The following PRELID2 variants were observed in gnomAD, a reference collection of about 807,000 sequenced individuals.
The protein encoded by PRELID2 is PRELI domain-containing protein 2.
A neutral mutation model predicts 28.4 loss-of-function variants in PRELID2; 25 were observed. That is an observed-to-expected ratio of 0.88 (90% CI 0.64 to 1.23). The LOEUF (loss-of-function observed/expected upper bound fraction) is 1.23. PRELID2 is among the 50% of genes most tolerant of loss of function. The pLI, the probability that PRELID2 is intolerant of heterozygous loss-of-function variation, is 0.00. For synonymous variants in PRELID2, 76 were observed against 71.6 expected, an observed-to-expected ratio of 1.06 and a Z score of -0.31; for missense variants, 201 against 214.4, an observed-to-expected ratio of 0.94 and a Z score of 0.39.
At chr5:145,235,919 A>G in the PRELID2 span, among the ~76,000 whole-genome samples, 1 of 152,164 alleles carries the variant, frequency 6.6e-6, no homozygotes, top group African/African-American at 2.4e-5. Context: ...CAGGTCATGT[A>G]AAGAATTTTG....
the PRELID2 span, among the ~76,000 whole-genome samples, chr5:145,400,631 A>AT: frequency 6.6e-6 from 1 of 151,992 alleles, no homozygotes. Context: ...AATAACAGGC[A>AT]TTTTTCATTT....
the PRELID2 span, among the ~76,000 whole-genome samples, chr5:145,340,766 T>C: frequency 1.1e-5 from 1 of 87,864 alleles, no homozygotes; most frequent in African/African-American, 5.0e-5. Flanking sequence ...TGCCTAAAAA[T>C]ATACATATAT....
At position 145,819,951 on chromosome 5, in the gene PRELID2, T is replaced by C. The variant is rs1754645988; in HGVS notation, c.201A>G (p.Leu67=). The change falls in exon 3 of 7, where the codon TTA becomes TTG. Residue 67 remains leucine, a synonymous_variant. Transcript: ENST00000683046. ...AICQNVVPEI[L]RKVSILKVPN... is the part of the protein sequence containing the mutation. ...CATTTTAAAATGAACTTACCTTCCT[T>C]AAAATTTCTGGAACCACGTTCTGAC... 4.4e-6 allele frequency: 7 copies of C among 1,594,116 alleles called. 1 individual carries two copies. The highest frequency in any genetic ancestry group is 1.3e-5 in the African/African-American group (1 of 74,560).
At chr5:145,589,330 C>T (rs956050513) in intron 1 of PRELID2, among the ~76,000 whole-genome samples, 6 of 152,118 alleles carry the variant, frequency 3.9e-5, no homozygotes, top group African/African-American at 1.4e-4. Context: ...AATTACTCTA[C>T]ACAAGGTGAA....
At chr5:145,539,890 T>A (rs1210024146) in intron 1 of PRELID2, among the ~76,000 whole-genome samples, 1 of 151,788 alleles carries the variant, frequency 6.6e-6, no homozygotes, top group Non-Finnish European at 1.5e-5. Flanking sequence ...CTATGAAAAA[T>A]GTTAGTATTA....
chr5:145,285,539 A>G, the PRELID2 span, among the ~76,000 whole-genome samples: 1 of 152,188 alleles, frequency 6.6e-6, no homozygotes, highest in African/African-American at 2.4e-5. Flanking sequence ...CATTTTAAAC[A>G]ATCAGTTTTT....
the PRELID2 span, among the ~76,000 whole-genome samples, chr5:145,368,633 G>T: frequency 2.0e-5 from 3 of 151,868 alleles, no homozygotes; most frequent in South Asian, 6.2e-4. Context: ...TTATTTTCTT[G>T]TTGGTTTTCA....
chr5:145,563,203 A>G (rs965848274), intron 1 of PRELID2, among the ~76,000 whole-genome samples: 2 of 152,218 alleles, frequency 1.3e-5, no homozygotes, highest in African/African-American at 4.8e-5. Flanking sequence ...ACCGTTTAGG[A>G]GAGAAATATC....
chr5:145,488,605 AT>A (rs1431455018), intron 1 of PRELID2, among the ~76,000 whole-genome samples: 2 of 152,346 alleles, frequency 1.3e-5, no homozygotes, highest in East Asian at 3.9e-4. Flanking sequence ...CAAGACCCTA[AT>A]TCAATAAATT....
intron 4 of PRELID2, among the ~76,000 whole-genome samples, chr5:145,817,202 AATAAATAAATAAAAAAAAAT>A (rs1754385839): frequency 5.8e-5 from 3 of 51,400 alleles, no homozygotes; most frequent in African/African-American, 1.0e-4. Flanking sequence ...AAAAAAAATA[AATAAATAAATAAAAAAAAAT>A]ATATATATAT....
intron 5 of PRELID2, among the ~76,000 whole-genome samples, chr5:145,791,251 T>A (rs1197211916): frequency 6.6e-6 from 1 of 152,070 alleles, no homozygotes; most frequent in African/African-American, 2.4e-5. Flanking sequence ...GCCCCCATGA[T>A]TCAATTATCT....
At chr5:145,650,531 C>CATATATATATATATAT (rs56324486) in intron 1 of PRELID2, among the ~76,000 whole-genome samples, 4 of 68,732 alleles carry the variant, frequency 5.8e-5, no homozygotes, top group South Asian at 5.9e-4. Context: ...CACATATATA[C>CATATATATATATATAT]ATATATATAT....
chr5:145,519,922 A>G (rs2126648966), intron 1 of PRELID2, among the ~76,000 whole-genome samples: 1 of 152,360 alleles, frequency 6.6e-6, no homozygotes, highest in South Asian at 2.1e-4. Context: ...AAACTCATTA[A>G]GATATACATT....
the PRELID2 span, among the ~76,000 whole-genome samples, chr5:145,360,655 C>T: frequency 3.9e-5 from 6 of 152,166 alleles, no homozygotes; most frequent in African/African-American, 1.4e-4. Flanking sequence ...TTACCACCAC[C>T]TGTTCTTGAC....
intron 1 of PRELID2, among the ~76,000 whole-genome samples, chr5:145,659,477 G>T (rs1002004914): frequency 7.2e-5 from 11 of 152,204 alleles, no homozygotes; most frequent in Non-Finnish European, 1.5e-4. Flanking sequence ...TAGCTAAGTT[G>T]ATTATCAAAA....
chr5:145,251,465 C>CATTT, the PRELID2 span, among the ~76,000 whole-genome samples: 1 of 151,962 alleles, frequency 6.6e-6, no homozygotes, highest in African/African-American at 2.4e-5. Context: ...GTCTTGATCT[C>CATTT]AGTGTAATGA....
chr5:145,581,582 T>C (rs1753108231), intron 1 of PRELID2, among the ~76,000 whole-genome samples: 1 of 152,096 alleles, frequency 6.6e-6, no homozygotes, highest in Non-Finnish European at 1.5e-5. Context: ...AGTTGATGCA[T>C]TGTTAGGAGT....
chr5:145,696,925 A>T (rs1755281306), intron 1 of PRELID2, among the ~76,000 whole-genome samples: 1 of 150,986 alleles, frequency 6.6e-6, no homozygotes, highest in Non-Finnish European at 1.5e-5. Context: ...ACTTTTGGTA[A>T]TAAAGGCTGG....
chr5:145,263,031 G>A, the PRELID2 span, among the ~76,000 whole-genome samples: 1 of 151,996 alleles, frequency 6.6e-6, no homozygotes, highest in Non-Finnish European at 1.5e-5. Context: ...AACAGAGCAG[G>A]AATAGCTATT....
Sources: gnomAD v4.1 joint callset for allele counts (sites outside exome capture counted in the v4.1 genomes callset) on GRCh38, gnomAD v4.1.1 for gene constraint, MANE v1.5 for transcripts, NCBI Gene and HGNC (gene_info 2026-07-23, HGNC 2026-07-21) for gene names.